GLI3: variants seen among roughly 807,000 people sequenced by gnomAD.
GLI3 encodes the protein transcription activator GLI3.
GLI3 carries 20 observed loss-of-function variants against 100.8 expected under a neutral mutation model. That is an observed-to-expected ratio of 0.20 (90% CI 0.14 to 0.29). The LOEUF (loss-of-function observed/expected upper bound fraction) is 0.29, where lower values mean the gene tolerates loss of function less well. Among genes scored for constraint, GLI3 ranks in the 10% least tolerant of loss-of-function variants. The probability of loss-of-function intolerance (pLI) is 1.00; values close to 1 mark genes in which losing one functional copy is unlikely to be tolerated. For synonymous variants in GLI3, 938 were observed against 860.5 expected (o/e 1.09, Z -1.58); for missense variants, 2,040 against 2,128.5 (o/e 0.96, Z 0.82).
At chr7:42,172,600 A>G in intron 2 of GLI3, 2 of 703,012 alleles carry the variant, frequency 2.8e-6, no homozygotes. Flanking sequence ...TCTGTGGCTG[A>G]GTCGTTTGTG....
chr7:42,168,015 C>T (rs534381540), intron 2 of GLI3, among the ~76,000 whole-genome samples: 1 of 152,118 alleles, frequency 6.6e-6, no homozygotes. Context: ...GCTTATAAGA[C>T]CAACAAGTTA....
chr7:41,980,596 A>AAAGG (rs1468351659), intron 10 of GLI3, among the ~76,000 whole-genome samples: 1 of 152,148 alleles, frequency 6.6e-6, no homozygotes, highest in African/African-American at 2.4e-5. Context: ...GGGAAAGAAA[A>AAAGG]AAGGAAGGAA....
chr7:42,182,642 G>GTATATA (rs1259517832), intron 2 of GLI3, among the ~76,000 whole-genome samples: 1 of 39,366 alleles, frequency 2.5e-5, no homozygotes, highest in Non-Finnish European at 4.2e-5. Flanking sequence ...GTATATGTGT[G>GTATATA]TGTATATATA....
At chr7:42,221,260 T>G (rs1397163873) in intron 2 of GLI3, among the ~76,000 whole-genome samples, 1 of 152,100 alleles carries the variant, frequency 6.6e-6, no homozygotes, top group African/African-American at 2.4e-5. Context: ...GTGGAAGACC[T>G]CCTGAGAATG....
At chr7:41,986,353 A>C (rs1193450812) in intron 10 of GLI3, among the ~76,000 whole-genome samples, 2 of 152,182 alleles carry the variant, frequency 1.3e-5, no homozygotes, top group African/African-American at 4.8e-5. Flanking sequence ...AAAGGGCTTT[A>C]TAATGTTGGA....
chr7:41,969,385 C>T (rs1026030291), intron 13 of GLI3, among the ~76,000 whole-genome samples: 2 of 152,192 alleles, frequency 1.3e-5, no homozygotes. Context: ...CACAGTGCCA[C>T]CAGGAAGGGC....
chr7:41,990,610 A>G (rs1179981164), intron 10 of GLI3, among the ~76,000 whole-genome samples: 3 of 152,230 alleles, frequency 2.0e-5, no homozygotes, highest in Non-Finnish European at 4.4e-5. Flanking sequence ...CATAGTTACA[A>G]TAAAATGTAT....
rs11287528 is a variant in GLI3 at position 42,142,934 on chromosome 7, C to CAAA, written c.367+5289_367+5291dup. On this transcript the variant is annotated intron_variant, in intron 3 of 14. Coordinates refer to ENST00000395925, the MANE Select transcript of GLI3 (RefSeq NM_000168.6). ...CTGGGCGAGAGCAAGACTCTGTCTC[C>CAAA]AAAAAAAAAAAAAAAAAAAAAAGGC... Among the ~76,000 whole-genome samples the CAAA allele has an allele frequency of 1.7e-3, 133 of 76,854 alleles. 1 individual carries two copies. The highest frequency in any genetic ancestry group is 6.5e-3 in the African/African-American group (124 of 19,150). The allele number at this position is 76,854 out of a possible 152,430, so 50.4% of individuals were successfully genotyped here. A position where few individuals can be genotyped will look rare whatever the true frequency, so the allele number is the denominator to read the frequency against.
intron 2 of GLI3, among the ~76,000 whole-genome samples, chr7:42,220,740 C>T (rs1788469865): frequency 6.6e-6 from 1 of 152,240 alleles, no homozygotes; most frequent in Non-Finnish European, 1.5e-5. Flanking sequence ...ACTTGTTCCT[C>T]TCTTTAGATT....
intron 3 of GLI3, among the ~76,000 whole-genome samples, chr7:42,138,220 C>T (rs1341478255): frequency 2.0e-5 from 3 of 152,228 alleles, no homozygotes; most frequent in Middle Eastern, 3.4e-3. Context: ...GAGTGAGACT[C>T]GAGGCAGGTC....
Position 41,972,496 on chromosome 7 carries a change from A to C in GLI3, c.1944T>G (p.Pro648=). Residue 648 remains proline, a synonymous_variant, in exon 13 of 15, where the codon CCT becomes CCG. Coordinates refer to ENST00000395925, the MANE Select transcript of GLI3 (RefSeq NM_000168.6). The surrounding 1 kb of genome is among the most constrained non-coding windows in gnomAD (Gnocchi z 4.4). ...VTKKQRGDIH[P]RPPPPRDSGS... ...CGGAATCTCTCGGGGGTGGCGGCCG[A>C]GGATGGATGTCCCCTCGCTGCTTCT... 1 of 1,611,490 alleles carries C rather than the reference A, an allele frequency of 6.2e-7. No individual in the cohort carries two copies. The highest frequency in any genetic ancestry group is 8.5e-7 in the Non-Finnish European group (1 of 1,179,416).
intron 7 of GLI3, among the ~76,000 whole-genome samples, chr7:42,029,876 G>C (rs1789236594): frequency 6.6e-6 from 1 of 152,182 alleles, no homozygotes; most frequent in Non-Finnish European, 1.5e-5. Context: ...AACTCTTTCT[G>C]TCTCTCTGTC....
chr7:41,961,272 T>A lies in GLI3; in HGVS notation c.*3058A>T, dbSNP rs1339096687. On this transcript the variant is annotated 3_prime_UTR_variant, in exon 15 of 15. Coordinates refer to ENST00000395925, the MANE Select transcript of GLI3 (RefSeq NM_000168.6). ...TATTTTATTTTACATGTCTGCAGGA[T>A]ACACAAGGGTAACTTGTCAGAAGAG... 6.6e-6 allele frequency: 1 copy of A among 152,580 alleles called. No homozygotes were observed. Among genetic ancestry groups the A allele is most frequent in the African/African-American group, 2.4e-5 (1 of 41,454 alleles). 9.5% of individuals were successfully genotyped at this position (152,580 alleles called of 1,614,324 possible).
intron 3 of GLI3, among the ~76,000 whole-genome samples, chr7:42,139,864 G>GATTGGGAACCCAA (rs1786524167): frequency 6.6e-6 from 1 of 152,168 alleles, no homozygotes; most frequent in South Asian, 2.1e-4. Flanking sequence ...CTGGGTAAGT[G>GATTGGGAACCCAA]ATTGGGAACC....
chr7:42,116,297 T>G (rs1785853715), intron 3 of GLI3, among the ~76,000 whole-genome samples: 1 of 152,100 alleles, frequency 6.6e-6, no homozygotes, highest in African/African-American at 2.4e-5. Flanking sequence ...GTGATTTAAT[T>G]TATGTGATGA....
At chr7:42,085,477 A>C (rs1271380927) in intron 3 of GLI3, among the ~76,000 whole-genome samples, 1 of 152,196 alleles carries the variant, frequency 6.6e-6, no homozygotes, top group Admixed American at 6.5e-5. Context: ...TTATTCTCCT[A>C]AGTCTTGTTT....
intron 2 of GLI3, among the ~76,000 whole-genome samples, chr7:42,155,878 T>C (rs937620468): frequency 2.6e-5 from 4 of 152,194 alleles, no homozygotes; most frequent in Non-Finnish European, 4.4e-5. Context: ...TATCAGCTTG[T>C]CTGAAGCTTC....
intron 3 of GLI3, among the ~76,000 whole-genome samples, chr7:42,082,765 C>CT (rs1385608337): frequency 1.3e-5 from 2 of 151,702 alleles, no homozygotes; most frequent in African/African-American, 2.4e-5. Context: ...TGCCCTGAAA[C>CT]TTTTTTTTTA....
intron 10 of GLI3, among the ~76,000 whole-genome samples, chr7:41,999,548 T>A (rs1205919558): frequency 1.3e-5 from 2 of 152,068 alleles, no homozygotes; most frequent in South Asian, 2.1e-4. Flanking sequence ...CTTTTACACC[T>A]TTCAGACACC....
Sources: allele counts gnomAD v4.1 joint callset (sites outside exome capture counted in the v4.1 genomes callset), GRCh38; gene constraint gnomAD v4.1.1; non-coding constraint Gnocchi (gnomAD v3.1); transcripts MANE v1.5; gene names NCBI Gene and HGNC (gene_info 2026-07-23, HGNC 2026-07-21).